Variants in PLCL1 observed in about 807,000 individuals in gnomAD.
PLCL1 encodes the protein phospholipase C like 1 (inactive).
In PLCL1, 41 loss-of-function variants were observed where a neutral mutation model predicts 84.4. The observed-to-expected ratio is 0.49, with a 90% CI of 0.38 to 0.63. The LOEUF (loss-of-function observed/expected upper bound fraction) is 0.63. Ranked by LOEUF, PLCL1 falls within the 30% of genes least tolerant of loss-of-function variation. The pLI is 0.00. For synonymous variants in PLCL1, 490 were observed against 488.3 expected, an observed-to-expected ratio of 1.00 and a Z score of -0.05; for missense variants, 1,206 against 1,367.8, an observed-to-expected ratio of 0.88 and a Z score of 1.87.
chr2:197,884,837 T>G (rs1318247086), intron 1 of PLCL1, among the ~76,000 whole-genome samples: 1 of 152,190 alleles, frequency 6.6e-6, no homozygotes, highest in Non-Finnish European at 1.5e-5. Flanking sequence ...CTTCTTGTGT[T>G]GCTTTCCACA....
chr2:197,892,587 A>G (rs1229836335), intron 1 of PLCL1, among the ~76,000 whole-genome samples: 6 of 152,360 alleles, frequency 3.9e-5, no homozygotes, highest in African/African-American at 9.6e-5. Flanking sequence ...ATGTTTTTGT[A>G]TAATTAGAAG....
intron 1 of PLCL1, among the ~76,000 whole-genome samples, chr2:198,035,204 G>T (rs115588693): frequency 1.3e-5 from 2 of 152,290 alleles, no homozygotes; most frequent in Non-Finnish European, 2.9e-5. Flanking sequence ...GATATGAAAA[G>T]GTAGAATGCT....
intron 1 of PLCL1, among the ~76,000 whole-genome samples, chr2:197,886,403 C>T (rs534051123): frequency 1.6e-4 from 12 of 75,842 alleles, no homozygotes; most frequent in Non-Finnish European, 2.4e-4. Context: ...CAGAATGAGA[C>T]TCTGTCTCAA....
In PLCL1 at chr2:197,828,398, T is replaced by C. The variant is rs529449822; in HGVS notation, c.240+23059T>C. ...AGCACAAAACATTTTATTTAATGTCTTTGTGATTTTAAATTGTAGTCAAAG... is the reference window on the plus strand; with the variant it reads ...AGCACAAAACATTTTATTTAATGTCCTTGTGATTTTAAATTGTAGTCAAAG... On this transcript the variant is annotated intron_variant, in intron 1 of 5. Coordinates refer to ENST00000428675, the MANE Select transcript of PLCL1 (RefSeq NM_006226.4). 9.9e-5 allele frequency among the ~76,000 whole-genome samples: 15 copies of C among 152,252 alleles called. 1 individual carries two copies. The South Asian group carries it at 1.5e-3, about 15-fold the overall frequency.
At chr2:197,827,509 A>G (rs1482989001) in intron 1 of PLCL1, among the ~76,000 whole-genome samples, 1 of 152,100 alleles carries the variant, frequency 6.6e-6, no homozygotes, top group African/African-American at 2.4e-5. Flanking sequence ...TAAACAAGGG[A>G]GATTGGAAGA....
At chr2:198,071,611 A>G (rs1293376749) in intron 1 of PLCL1, among the ~76,000 whole-genome samples, 1 of 151,812 alleles carries the variant, frequency 6.6e-6, no homozygotes, top group East Asian at 1.9e-4. Flanking sequence ...AAACAGTTAT[A>G]TAATTTTGTG....
intron 1 of PLCL1, among the ~76,000 whole-genome samples, chr2:197,820,674 A>C (rs529518962): frequency 6.6e-6 from 1 of 152,318 alleles, no homozygotes; most frequent in African/African-American, 2.4e-5. Context: ...TGAAATCAAA[A>C]TTTAAAACTG....
At chr2:198,094,984 G>A (rs1693158358) in intron 3 of PLCL1, among the ~76,000 whole-genome samples, 1 of 152,128 alleles carries the variant, frequency 6.6e-6, no homozygotes, top group African/African-American at 2.4e-5. Context: ...GGAACTGGGA[G>A]CACTATCAAT....
At chr2:197,895,834 T>A (rs987226417) in intron 1 of PLCL1, among the ~76,000 whole-genome samples, 1 of 151,884 alleles carries the variant, frequency 6.6e-6, no homozygotes, top group African/African-American at 2.4e-5. Flanking sequence ...ATGGAACACA[T>A]CAGTGAAGCT....
intron 1 of PLCL1, among the ~76,000 whole-genome samples, chr2:197,966,910 G>A (rs985150392): frequency 2.1e-5 from 3 of 145,852 alleles, no homozygotes; most frequent in South Asian, 2.1e-4. Flanking sequence ...GAGTGCAGTG[G>A]CACAATCTTG....
rs567472220 is a variant in PLCL1, at chr2:198,031,567, T to C, written c.241-52191T>C. ...ATGCAGTGGTGTGATCAGAGCTCAC[T>C]GCAGCCTTGACCTCCTGGGCTCAAG... is the stretch of plus-strand genomic sequence containing the variant. On this transcript the variant is annotated intron_variant, in intron 1 of 5. Coordinates refer to ENST00000428675, the MANE Select transcript of PLCL1 (RefSeq NM_006226.4). Among the ~76,000 whole-genome samples, 158 of 151,818 alleles carry C rather than the reference T, an allele frequency of 1.0e-3. 1 individual carries two copies. Among genetic ancestry groups the C allele is most frequent in the African/African-American group, 3.7e-3 (155 of 41,380 alleles).
chr2:197,864,741 T>A (rs1005129056), intron 1 of PLCL1, among the ~76,000 whole-genome samples: 5 of 152,140 alleles, frequency 3.3e-5, no homozygotes, highest in Non-Finnish European at 7.4e-5. Flanking sequence ...CCCAAAGTAC[T>A]GGGATTACAG....
At chr2:197,983,227 T>C (rs1690154858) in intron 1 of PLCL1, among the ~76,000 whole-genome samples, 1 of 39,564 alleles carries the variant, frequency 2.5e-5, no homozygotes, top group African/African-American at 1.0e-4. Context: ...TTTTTTTTTT[T>C]TTTTTTTTTT....
At chr2:198,107,688 T>C (rs1224487980) in intron 5 of PLCL1, among the ~76,000 whole-genome samples, 1 of 151,958 alleles carries the variant, frequency 6.6e-6, no homozygotes, top group Non-Finnish European at 1.5e-5. Context: ...TTAATGTTTT[T>C]GTTTGGTTTA....
At chr2:198,000,759 A>G (rs1690581146) in intron 1 of PLCL1, among the ~76,000 whole-genome samples, 2 of 149,766 alleles carry the variant, frequency 1.3e-5, no homozygotes, top group South Asian at 2.1e-4. Flanking sequence ...TTTATCTTGG[A>G]GACTTTTATT....
chr2:198,048,481 G>T (rs923386148), intron 1 of PLCL1, among the ~76,000 whole-genome samples: 1 of 152,190 alleles, frequency 6.6e-6, no homozygotes, highest in Non-Finnish European at 1.5e-5. Flanking sequence ...TCACAGTTCT[G>T]CAGGCTGTAC....
At chr2:198,053,644 T>G (rs79095007) in intron 1 of PLCL1, among the ~76,000 whole-genome samples, 377 of 152,344 alleles carry the variant, frequency 2.5e-3, no homozygotes, top group African/African-American at 8.5e-3. Flanking sequence ...CATTGGACCC[T>G]TATTGATCCA....
chr2:197,808,161 A>G (rs972699487), intron 1 of PLCL1, among the ~76,000 whole-genome samples: 5 of 152,162 alleles, frequency 3.3e-5, no homozygotes, highest in Non-Finnish European at 5.9e-5. Flanking sequence ...ACTTTTTCCT[A>G]TATTTTTCTG....
chr2:198,010,472 T>G (rs1690840435), intron 1 of PLCL1, among the ~76,000 whole-genome samples: 1 of 152,008 alleles, frequency 6.6e-6, no homozygotes, highest in East Asian at 1.9e-4. Context: ...ATTGGTTAAT[T>G]TTTATATTTT....
Sources: allele counts gnomAD v4.1 joint callset (sites outside exome capture counted in the v4.1 genomes callset), GRCh38; gene constraint gnomAD v4.1.1; transcripts MANE v1.5; gene names NCBI Gene and HGNC (gene_info 2026-07-23, HGNC 2026-07-21).